The following CCDC102B variants were observed in gnomAD, a reference collection of about 807,000 sequenced individuals.
CCDC102B encodes the protein coiled-coil domain containing 102B.
CCDC102B carries 75 observed loss-of-function variants against 57.4 expected under a neutral mutation model. The observed-to-expected ratio is 1.31, with a 90% CI of 1.08 to 1.58. The LOEUF (loss-of-function observed/expected upper bound fraction) is 1.58, where lower values mean the gene tolerates loss of function less well. Among genes scored for constraint, CCDC102B ranks in the 40% most tolerant of loss-of-function variants. The pLI, the probability that CCDC102B is intolerant of heterozygous loss-of-function variation, is 0.00. For missense variants in CCDC102B, 636 were observed against 582.6 expected, an observed-to-expected ratio of 1.09 and a Z score of -0.94; for synonymous variants, 206 against 201.9, an observed-to-expected ratio of 1.02 and a Z score of -0.17.
At chr18:68,738,995 T>G (rs1170053618) in intron 2 of CCDC102B, among the ~76,000 whole-genome samples, 1 of 150,216 alleles carries the variant, frequency 6.7e-6, no homozygotes, top group Admixed American at 6.6e-5. Context: ...TGAGCAGCCT[T>G]TTGTTTTTTT....
At chr18:68,955,343 A>T (rs1442151268) in intron 6 of CCDC102B, among the ~76,000 whole-genome samples, 1 of 152,190 alleles carries the variant, frequency 6.6e-6, no homozygotes, top group East Asian at 1.9e-4. Context: ...TTGCATAGCT[A>T]CATAATTTAA....
chr18:68,812,216 A>T (rs1450338343), intron 1 of CCDC102B, among the ~76,000 whole-genome samples: 2 of 151,782 alleles, frequency 1.3e-5, no homozygotes, highest in Non-Finnish European at 2.9e-5. Context: ...TCAACAGGAA[A>T]ATATATTTAT....
chr18:68,944,348 T>C (rs2049471697), intron 6 of CCDC102B, among the ~76,000 whole-genome samples: 1 of 152,050 alleles, frequency 6.6e-6, no homozygotes, highest in African/African-American at 2.4e-5. Flanking sequence ...TTTAAGCTTA[T>C]AAAACAAAGT....
chr18:68,765,396 AAAGG>A lies in CCDC102B; in HGVS notation c.-67+48817_-67+48820del, dbSNP rs1225172011. ...AAGAAAGAAAAGAAAGAAAGAAAAG[AAAGG>A]AAGGAAGGAAGGAAAGAGAAAGAGA... On this transcript the variant is annotated intron_variant, in intron 2 of 3. Coordinates refer to the CCDC102B transcript ENST00000578970. Among the ~76,000 whole-genome samples, 520 of 149,864 alleles carry A rather than the reference AAAGG, an allele frequency of 3.5e-3. 2 individuals carry two copies. Among genetic ancestry groups the A allele is most frequent in the African/African-American group, 0.01 (421 of 40,314 alleles).
At chr18:68,813,632 G>A (rs1400094467) in intron 1 of CCDC102B, among the ~76,000 whole-genome samples, 2 of 151,958 alleles carry the variant, frequency 1.3e-5, no homozygotes, top group African/African-American at 2.4e-5. Flanking sequence ...AAAGGAGGCC[G>A]GGAGAGTGGA....
intron 5 of CCDC102B, among the ~76,000 whole-genome samples, chr18:68,884,035 G>C (rs1431138399): frequency 6.6e-6 from 1 of 152,116 alleles, no homozygotes; most frequent in Non-Finnish European, 1.5e-5. Context: ...GTAGTCTGTG[G>C]GGAAAAGGGA....
chr18:68,954,437 TAAAG>T (rs2049789272), intron 6 of CCDC102B, among the ~76,000 whole-genome samples: 1 of 152,074 alleles, frequency 6.6e-6, no homozygotes, highest in Non-Finnish European at 1.5e-5. Flanking sequence ...AAAATAATAA[TAAAG>T]AAGAATGGAA....
chr18:68,760,293 C>T (rs1215292955), intron 2 of CCDC102B, among the ~76,000 whole-genome samples: 1 of 151,924 alleles, frequency 6.6e-6, no homozygotes, highest in African/African-American at 2.4e-5. Flanking sequence ...ATTCACACCC[C>T]AACGACCTGT....
chr18:68,978,765 T>C (rs1370120282), intron 6 of CCDC102B, among the ~76,000 whole-genome samples: 3 of 152,066 alleles, frequency 2.0e-5, no homozygotes, highest in Admixed American at 6.6e-5. Context: ...AGTGATTATT[T>C]TAAAAGATAC....
chr18:68,729,868 G>A (rs1302421711), intron 2 of CCDC102B, among the ~76,000 whole-genome samples: 22 of 152,138 alleles, frequency 1.4e-4, no homozygotes, highest in Admixed American at 1.4e-3. Flanking sequence ...GTGCAACTAA[G>A]TAACTACTAT....
chr18:68,829,231 A>G (rs1429100657), intron 1 of CCDC102B, among the ~76,000 whole-genome samples: 1 of 152,026 alleles, frequency 6.6e-6, no homozygotes, highest in Non-Finnish European at 1.5e-5. Flanking sequence ...AATAAAGTTT[A>G]ACATATGATA....
At chr18:68,889,848 C>A (rs539092387) in intron 5 of CCDC102B, among the ~76,000 whole-genome samples, 1 of 152,190 alleles carries the variant, frequency 6.6e-6, no homozygotes, top group Non-Finnish European at 1.5e-5. Flanking sequence ...CCAAAGCTAA[C>A]CAGTTGGATC....
intron 2 of CCDC102B, among the ~76,000 whole-genome samples, chr18:68,729,908 A>G (rs1179586775): frequency 2.0e-5 from 3 of 152,364 alleles, no homozygotes; most frequent in Admixed American, 2.0e-4. Context: ...AGAAAAATAC[A>G]AAGCACCTAA....
rs1276017037 is a variant in CCDC102B at position 69,054,250 on chromosome 18, AC to A, written c.*114del. 7 of 1,370,580 alleles carry A rather than the reference AC, an allele frequency of 5.1e-6. No individual in the cohort carries two copies. The highest frequency in any genetic ancestry group is 7.0e-5 in the Admixed American group (2 of 28,514). The allele number at this position is 1,370,580 out of a possible 1,614,324, so 84.9% of individuals were successfully genotyped here. ...TTAACTAGAAATATTAATGAAAAAA[AC>A]GTAGACAATACACAAATTAATGGGC... is the stretch of plus-strand genomic sequence containing the variant. On this transcript the variant is annotated 3_prime_UTR_variant, in exon 8 of 8. Coordinates refer to ENST00000360242, the MANE Select transcript of CCDC102B (RefSeq NM_024781.3).
At chr18:69,034,854 A>C (rs1042556350) in intron 7 of CCDC102B, among the ~76,000 whole-genome samples, 2 of 151,804 alleles carry the variant, frequency 1.3e-5, no homozygotes, top group Non-Finnish European at 2.9e-5. Context: ...CTTTTGGGAA[A>C]TAATTGGTTC....
intron 6 of CCDC102B, among the ~76,000 whole-genome samples, chr18:68,945,978 T>C (rs992326501): frequency 9.2e-5 from 14 of 152,068 alleles, no homozygotes; most frequent in Non-Finnish European, 1.5e-5. Flanking sequence ...TTATTTTTGT[T>C]CTTTTCAAAT....
chr18:68,808,790 T>C (rs2036138459), intron 1 of CCDC102B, among the ~76,000 whole-genome samples: 1 of 152,192 alleles, frequency 6.6e-6, no homozygotes, highest in South Asian at 2.1e-4. Flanking sequence ...CTACACATTT[T>C]TATTTTCGTT....
At chr18:68,797,876 C>T (rs2035688219), upstream of CCDC102B, among the ~76,000 whole-genome samples, 2 of 150,462 alleles carry the variant, frequency 1.3e-5, no homozygotes, top group Admixed American at 1.3e-4. Context: ...TCTTTTTCAT[C>T]CACAGTACAG....
chr18:68,936,761 A>G (rs1031599137), intron 6 of CCDC102B, among the ~76,000 whole-genome samples: 2 of 74,726 alleles, frequency 2.7e-5, no homozygotes, highest in Non-Finnish European at 8.4e-5. Context: ...ATATATATAT[A>G]TACACACATA....
Sources: gnomAD v4.1 joint callset for allele counts (sites outside exome capture counted in the v4.1 genomes callset) on GRCh38, gnomAD v4.1.1 for gene constraint, MANE v1.5 for transcripts, NCBI Gene and HGNC (gene_info 2026-07-23, HGNC 2026-07-21) for gene names.